WDR76: variants seen among roughly 807,000 people sequenced by gnomAD.
WDR76 encodes the protein WD repeat domain 76, also known as WD repeat-containing protein 76.
WDR76 carries 52 observed loss-of-function variants against 70.2 expected under a neutral mutation model. The observed-to-expected ratio is 0.74, with a 90% CI of 0.59 to 0.93. WDR76 has a LOEUF of 0.93. Among genes scored for constraint, WDR76 ranks in the 40% least tolerant of loss-of-function variants. WDR76 has a pLI of 0.00. For synonymous variants in WDR76, 292 were observed against 271.1 expected (o/e 1.08, Z -0.76); for missense variants, 756 against 760.2 (o/e 0.99, Z 0.07).
intron 8 of WDR76, among the ~76,000 whole-genome samples, chr15:43,848,976 A>G (rs528897531): frequency 7.1e-4 from 102 of 144,188 alleles, no homozygotes; most frequent in Non-Finnish European, 1.2e-3. Context: ...ATTTCAGATT[A>G]CCTGCTGTCT....
chr15:43,858,246 T>C (rs1272999869), intron 10 of WDR76, among the ~76,000 whole-genome samples: 2 of 150,162 alleles, frequency 1.3e-5, no homozygotes, highest in African/African-American at 4.9e-5. Context: ...GAGTTCTGTT[T>C]TTTTTTTTTG....
rs746301572 is a variant in WDR76 at position 43,842,619 on chromosome 15, A to T, written c.835-9A>T. On this transcript the variant is annotated splice_polypyrimidine_tract_variant and intron_variant, in intron 6 of 12. Transcript: ENST00000263795. ...TAACTTAGTTCTTTCATCTCTCCCA[A>T]TGTTTCAGCCAAGTAGTAAGAACAC... The T allele has an allele frequency of 6.2e-7, 1 of 1,609,164 alleles. No individual in the cohort carries two copies. The highest frequency in any genetic ancestry group is 1.1e-5 in the South Asian group (1 of 90,048).
chr15:43,846,714 A>C (rs772039606), intron 8 of WDR76, among the ~76,000 whole-genome samples: 10 of 152,114 alleles, frequency 6.6e-5, no homozygotes, highest in Middle Eastern at 3.4e-3. Context: ...CATATCTTTC[A>C]TGATGACTCC....
At chr15:43,852,690 T>C (rs1373448095) in intron 9 of WDR76, among the ~76,000 whole-genome samples, 2 of 152,074 alleles carry the variant, frequency 1.3e-5, no homozygotes, top group Middle Eastern at 3.2e-3. Context: ...TTCTGGACAT[T>C]TCATATAAAT....
chr15:43,836,278 A>C (rs1214852464), intron 4 of WDR76, 62 bp downstream of exon 4: 2 of 1,520,786 alleles, frequency 1.3e-6, no homozygotes, highest in Non-Finnish European at 1.8e-6. Context: ...TTATAATTTG[A>C]AAAAAATGGT....
intron 5 of WDR76, among the ~76,000 whole-genome samples, chr15:43,840,711 G>T (rs928127464): frequency 6.6e-6 from 1 of 152,042 alleles, no homozygotes; most frequent in Non-Finnish European, 1.5e-5. Context: ...AGGTGTAGTG[G>T]TTCATGCCTG....
At chr15:43,847,667 C>T (rs934634071) in intron 8 of WDR76, among the ~76,000 whole-genome samples, 10 of 152,158 alleles carry the variant, frequency 6.6e-5, no homozygotes, top group Admixed American at 3.9e-4. Flanking sequence ...GTAATCCACC[C>T]GCCTCGGCCT....
At chr15:43,831,742 T>G (rs1238063614) in intron 2 of WDR76, among the ~76,000 whole-genome samples, 1 of 151,674 alleles carries the variant, frequency 6.6e-6, no homozygotes, top group Non-Finnish European at 1.5e-5. Flanking sequence ...GCATGCCATG[T>G]CTTTCTTTCT....
intron 4 of WDR76, 67 bp from the exon 5 acceptor site, chr15:43,839,538 C>G (rs1596071137): frequency 6.7e-7 from 1 of 1,491,544 alleles, no homozygotes; most frequent in Non-Finnish European, 9.0e-7. Flanking sequence ...GAAGTTATCT[C>G]TTTAGTATTA....
intron 9 of WDR76, among the ~76,000 whole-genome samples, chr15:43,852,868 C>T (rs1165678296): frequency 6.6e-6 from 1 of 152,030 alleles, no homozygotes; most frequent in Admixed American, 6.6e-5. Flanking sequence ...AGTTGATGAA[C>T]ATTTGTGTTT....
chr15:43,834,382 C>T (rs1235048766), intron 2 of WDR76, among the ~76,000 whole-genome samples: 22 of 150,202 alleles, frequency 1.5e-4, no homozygotes, highest in Non-Finnish European at 2.8e-4. Flanking sequence ...CTTGCTGCAA[C>T]CCCCACCTCC....
intron 5 of WDR76, among the ~76,000 whole-genome samples, chr15:43,842,055 A>G (rs1275770423): frequency 6.6e-6 from 1 of 152,084 alleles, no homozygotes; most frequent in East Asian, 1.9e-4. Context: ...TTTAGTAGAG[A>G]TGGGATTTCA....
At chr15:43,854,879 A>T (rs1359369971) in intron 9 of WDR76, among the ~76,000 whole-genome samples, 2 of 151,268 alleles carry the variant, frequency 1.3e-5, no homozygotes, top group Non-Finnish European at 2.9e-5. Context: ...TGAACCCAGG[A>T]GGCAGAGGTT....
chr15:43,856,337 ATATT>A (rs1190732303), intron 9 of WDR76, among the ~76,000 whole-genome samples: 1 of 152,180 alleles, frequency 6.6e-6, no homozygotes, highest in Non-Finnish European at 1.5e-5. Context: ...AAAAATGTAT[ATATT>A]TACTCTTCTA....
chr15:43,827,618 C>T (rs1278320113), intron 1 of WDR76, among the ~76,000 whole-genome samples: 6 of 151,284 alleles, frequency 4.0e-5, no homozygotes, highest in Non-Finnish European at 7.4e-5. Flanking sequence ...GATCTCGGCT[C>T]ACTGCAACCT....
intron 9 of WDR76, among the ~76,000 whole-genome samples, chr15:43,854,115 G>A (rs182387000): frequency 6.6e-6 from 1 of 152,278 alleles, no homozygotes. Flanking sequence ...TATGTGAAAT[G>A]GTAAAGTTGG....
At chr15:43,862,308 AT>A (rs60991615) in intron 12 of WDR76, among the ~76,000 whole-genome samples, 121 of 56,958 alleles carry the variant, frequency 2.1e-3, no homozygotes, top group African/African-American at 7.5e-3. Flanking sequence ...CAGGTCCACA[AT>A]TTTTTTTTTT....
chr15:43,832,544 C>G (rs1233246227), intron 2 of WDR76, among the ~76,000 whole-genome samples: 1 of 151,718 alleles, frequency 6.6e-6, no homozygotes, highest in East Asian at 1.9e-4. Context: ...CTTCTAGGTT[C>G]AAGCGATTCT....
intron 5 of WDR76, among the ~76,000 whole-genome samples, chr15:43,842,185 A>G (rs1041191344): frequency 2.0e-5 from 3 of 152,102 alleles, no homozygotes; most frequent in Non-Finnish European, 4.4e-5. Context: ...GTGATACCTC[A>G]TTTGCTAGGT....
Sources: gnomAD v4.1 joint callset for allele counts (sites outside exome capture counted in the v4.1 genomes callset) on GRCh38, gnomAD v4.1.1 for gene constraint, MANE v1.5 for transcripts, NCBI Gene and HGNC (gene_info 2026-07-23, HGNC 2026-07-21) for gene names.